Variants in LRRC72 observed in about 807,000 individuals in gnomAD.
LRRC72 encodes the protein leucine rich repeat containing 72, also known as leucine-rich repeat-containing protein 72.
LRRC72 carries 41 observed loss-of-function variants against 35.8 expected under a neutral mutation model. The observed-to-expected ratio is 1.15, with a 90% CI of 0.89 to 1.49. LRRC72 has a LOEUF of 1.49. Ranked by LOEUF, LRRC72 falls within the 40% of genes most tolerant of loss-of-function variation. The pLI, the probability that LRRC72 is intolerant of heterozygous loss-of-function variation, is 0.00. For synonymous variants in LRRC72, 118 were observed against 119.2 expected, an observed-to-expected ratio of 0.99 and a Z score of 0.07; for missense variants, 389 against 330.7, an observed-to-expected ratio of 1.18 and a Z score of -1.37.
chr7:16,552,789 C>A (rs17169537), intron 3 of LRRC72, among the ~76,000 whole-genome samples: 40,813 of 151,942 alleles, frequency 0.27, 6,071 homozygotes, highest in East Asian at 0.39. Flanking sequence ...AGGGCTCAAA[C>A]CAAGTCTGAG....
chr7:16,551,305 T>C (rs1782544164), intron 3 of LRRC72, among the ~76,000 whole-genome samples: 1 of 152,160 alleles, frequency 6.6e-6, no homozygotes, highest in Non-Finnish European at 1.5e-5. Flanking sequence ...ATAGTCCCTG[T>C]GATGTTATGA....
At chr7:16,579,281 G>A (rs1783099973) in intron 7 of LRRC72, among the ~76,000 whole-genome samples, 1 of 152,170 alleles carries the variant, frequency 6.6e-6, no homozygotes, top group African/African-American at 2.4e-5. Context: ...GGAGAAAAAT[G>A]TAGAAAAAGA....
chr7:16,565,763 G>A (rs181659907), intron 5 of LRRC72, among the ~76,000 whole-genome samples: 1 of 152,292 alleles, frequency 6.6e-6, no homozygotes, highest in East Asian at 1.9e-4. Context: ...AGATGCAAGA[G>A]CCACTTCTGC....
intron 3 of LRRC72, among the ~76,000 whole-genome samples, chr7:16,539,091 G>A (rs557421011): frequency 4.4e-4 from 67 of 152,316 alleles, no homozygotes; most frequent in African/African-American, 1.6e-3. Context: ...AGTTTGGAGG[G>A]CTCAGAAGAA....
At chr7:16,568,377 T>C (rs1782886547) in intron 7 of LRRC72, among the ~76,000 whole-genome samples, 1 of 151,932 alleles carries the variant, frequency 6.6e-6, no homozygotes, top group Non-Finnish European at 1.5e-5. Context: ...ACCAAACCAA[T>C]TATCTAGAAA....
intron 5 of LRRC72, among the ~76,000 whole-genome samples, chr7:16,564,277 CTTCT>C (rs1782789991): frequency 6.6e-6 from 1 of 152,144 alleles, no homozygotes; most frequent in African/African-American, 2.4e-5. Flanking sequence ...CTTTTTCTTC[CTTCT>C]GAGTTCTCAT....
chr7:16,567,555 A>AT lies in LRRC72; in HGVS notation c.670+12_670+13insT, dbSNP rs994556081. ...GAGAGTACCTTCAGGTATTTCGTAA[A>AT]AAAAAAAAAAAAAACAAATTTAATG... On this transcript the variant is annotated intron_variant, in intron 7 of 8. Coordinates refer to ENST00000401542, the MANE Select transcript of LRRC72 (RefSeq NM_001195280.2). The AT allele has an allele frequency of 7.3e-7, 1 of 1,367,702 alleles. No homozygotes were observed. Among genetic ancestry groups the AT allele is most frequent in the African/African-American group, 1.5e-5 (1 of 67,480 alleles). 84.7% of individuals were successfully genotyped at this position (1,367,702 alleles called of 1,614,324 possible).
chr7:16,550,678 C>T (rs1297994573), intron 3 of LRRC72, among the ~76,000 whole-genome samples: 2 of 152,152 alleles, frequency 1.3e-5, no homozygotes, highest in African/African-American at 4.8e-5. Flanking sequence ...ATTGCTGCTA[C>T]TTTTTGATTT....
At chr7:16,542,453 C>T (rs910410419) in intron 3 of LRRC72, among the ~76,000 whole-genome samples, 2 of 152,156 alleles carry the variant, frequency 1.3e-5, no homozygotes, top group Non-Finnish European at 2.9e-5. Flanking sequence ...AGGACATGTG[C>T]CCGTGACAAA....
chr7:16,579,830 A>C (rs1439942090), intron 7 of LRRC72, among the ~76,000 whole-genome samples: 2 of 152,104 alleles, frequency 1.3e-5, no homozygotes, highest in Non-Finnish European at 2.9e-5. Context: ...CAGGGTTTTG[A>C]GATTTGTATT....
intron 2 of LRRC72, among the ~76,000 whole-genome samples, chr7:16,533,657 T>C (rs765676321): frequency 1.4e-4 from 22 of 152,080 alleles, no homozygotes; most frequent in Admixed American, 1.4e-3. Flanking sequence ...ATTAAACATA[T>C]TTATTTTATT....
intron 3 of LRRC72, among the ~76,000 whole-genome samples, chr7:16,556,295 G>T (rs759442915): frequency 8.5e-5 from 13 of 152,176 alleles, no homozygotes; most frequent in Non-Finnish European, 1.6e-4. Context: ...AGGTAGAAAG[G>T]ATAAGGTGCT....
rs920058520 is a variant in LRRC72 at position 16,527,152 on chromosome 7, A to G, written c.90+110A>G. The G allele has an allele frequency of 7.7e-6, 6 of 783,346 alleles. No individual in the cohort carries two copies. The African/African-American group carries it at 8.7e-5, about 11-fold the overall frequency. 48.5% of individuals were successfully genotyped at this position (783,346 alleles called of 1,614,324 possible). A position where few individuals can be genotyped will look rare whatever the true frequency, so the allele number is the denominator to read the frequency against. On this transcript the variant is annotated intron_variant, in intron 1 of 8. Transcript: ENST00000401542. ...GGTACTGAATTTGGAGGGGAATTTC[A>G]GTAGCCTGAAGACGGAGATAGGTCA...
chr7:16,532,911 C>A, intron 2 of LRRC72: 1 of 313,328 alleles, frequency 3.2e-6, no homozygotes. Flanking sequence ...ATAGAAACAA[C>A]GAATATAATT....
intron 7 of LRRC72, among the ~76,000 whole-genome samples, chr7:16,568,177 C>G (rs550023): frequency 0.5 from 75,996 of 151,926 alleles, 19,435 homozygotes; most frequent in South Asian, 0.62. Context: ...AATGTTGTCA[C>G]TGTTCAAGGA....
chr7:16,558,370 A>G lies in LRRC72; in HGVS notation c.317-519A>G, dbSNP rs546561939. Among the ~76,000 whole-genome samples, 83 of 152,342 alleles carry G rather than the reference A, an allele frequency of 5.4e-4. 4 individuals are homozygous for G. The South Asian group carries it at 0.016, about 29-fold the overall frequency. On this transcript the variant is annotated intron_variant, in intron 4 of 8. Transcript: ENST00000401542. The stretch of plus-strand genomic sequence containing the variant: ...ATGCCTGTAATCCCAGCAGTTTGGG[A>G]GGCCTAGGCGGGCAGATCACCTGAG...
At chr7:16,578,292 G>A (rs1332572227) in intron 7 of LRRC72, among the ~76,000 whole-genome samples, 1 of 152,144 alleles carries the variant, frequency 6.6e-6, no homozygotes, top group East Asian at 1.9e-4. Context: ...GGCTAACATG[G>A]TGAAACCCCG....
intron 3 of LRRC72, among the ~76,000 whole-genome samples, chr7:16,538,024 C>G (rs1180947576): frequency 2.0e-5 from 3 of 152,188 alleles, no homozygotes; most frequent in African/African-American, 4.8e-5. Context: ...AGCCCCATAA[C>G]CTTTTTCATC....
At chr7:16,540,064 G>A (rs7804860) in intron 3 of LRRC72, among the ~76,000 whole-genome samples, 43,641 of 151,994 alleles carry the variant, frequency 0.29, 6,380 homozygotes, top group East Asian at 0.38. Flanking sequence ...TAGCTTCACC[G>A]ACAACTTGCA....
Sources: allele counts gnomAD v4.1 joint callset (sites outside exome capture counted in the v4.1 genomes callset), GRCh38; gene constraint gnomAD v4.1.1; transcripts MANE v1.5; gene names NCBI Gene and HGNC (gene_info 2026-07-23, HGNC 2026-07-21).